ITPR1: variants seen among roughly 807,000 people sequenced by gnomAD.
The protein encoded by ITPR1 is inositol 1,4,5-trisphosphate receptor type 1.
In ITPR1, 96 loss-of-function variants were observed where a neutral mutation model predicts 318.4. The observed-to-expected ratio is 0.30, with a 90% CI of 0.26 to 0.36. The LOEUF (loss-of-function observed/expected upper bound fraction) is 0.36. Among genes scored for constraint, ITPR1 ranks in the 10% least tolerant of loss-of-function variants. The pLI is 1.00. For missense variants in ITPR1, 2,440 were observed against 3,460.2 expected (o/e 0.71, Z 7.40); for synonymous variants, 1,312 against 1,289.9 (o/e 1.02, Z -0.37).
At position 4,663,518 on chromosome 3, in the gene ITPR1, C is replaced by T. The variant is rs988424488; in HGVS notation, c.1554+312C>T. Among the ~76,000 whole-genome samples, 16 of 152,298 alleles carry T rather than the reference C, an allele frequency of 1.1e-4. No individual in the cohort carries two copies. In the South Asian group the frequency reaches 3.3e-3, roughly 32 times the overall value. On this transcript the variant is annotated intron_variant, in intron 16 of 61. Transcript: ENST00000649015. ...TATTTTCTAGAGCAGTTTTTAGGTT[C>T]TCAGCAAGATTGTGCAAAAAGTCCA...
intron 5 of ITPR1, among the ~76,000 whole-genome samples, chr3:4,629,451 G>A (rs2092945442): frequency 6.6e-6 from 1 of 152,084 alleles, no homozygotes; most frequent in Non-Finnish European, 1.5e-5. Flanking sequence ...GCACTGATCA[G>A]GGTCTGCAAT....
intron 61 of ITPR1, among the ~76,000 whole-genome samples, chr3:4,843,931 T>C (rs2051562242): frequency 6.6e-6 from 1 of 152,156 alleles, no homozygotes; most frequent in African/African-American, 2.4e-5. Flanking sequence ...GGAGAGCTGA[T>C]GTAACAAACA....
chr3:4,611,449 AC>A (rs2092113500), intron 4 of ITPR1, among the ~76,000 whole-genome samples: 2 of 151,830 alleles, frequency 1.3e-5, no homozygotes, highest in Admixed American at 1.3e-4. Flanking sequence ...AATCCTAGCT[AC>A]TTGGGAGGCT....
chr3:4,681,291 C>G, intron 25 of ITPR1, 73 bp from the exon 26 acceptor site: 1 of 1,052,332 alleles, frequency 9.5e-7, no homozygotes, highest in Non-Finnish European at 1.5e-6. Flanking sequence ...CCCTGCAAAA[C>G]TTATGGATGA....
chr3:4,516,348 C>A, intron 2 of ITPR1, 128 bp from the exon 3 acceptor site: 1 of 538,574 alleles, frequency 1.9e-6, no homozygotes, highest in Non-Finnish European at 3.2e-6. Context: ...GCCTGTCAAA[C>A]TGTTATTTAA....
intron 46 of ITPR1, among the ~76,000 whole-genome samples, chr3:4,772,367 T>C (rs1408128866): frequency 6.6e-6 from 1 of 152,236 alleles, no homozygotes; most frequent in Non-Finnish European, 1.5e-5. Context: ...CTTGTCATAT[T>C]TATAACCTTA....
At chr3:4,642,058 C>T (rs2093351232) in intron 6 of ITPR1, 35 bp from the exon 7 acceptor site, 1 of 1,509,468 alleles carries the variant, frequency 6.6e-7, no homozygotes, top group Non-Finnish European at 8.9e-7. Flanking sequence ...TTCAGATTTG[C>T]TGACACTCAC....
At chr3:4,536,505 G>T (rs1431057389) in intron 4 of ITPR1, among the ~76,000 whole-genome samples, 1 of 152,102 alleles carries the variant, frequency 6.6e-6, no homozygotes, top group Non-Finnish European at 1.5e-5. Context: ...CTATTTACAA[G>T]GTCACCTACC....
intron 4 of ITPR1, among the ~76,000 whole-genome samples, chr3:4,567,400 T>C (rs2087419653): frequency 6.6e-6 from 1 of 152,186 alleles, no homozygotes; most frequent in Non-Finnish European, 1.5e-5. Flanking sequence ...GAAGACCAAG[T>C]CCTTTTTTCT....
At chr3:4,756,340 T>A (rs142069560) in intron 44 of ITPR1, among the ~76,000 whole-genome samples, 2 of 152,328 alleles carry the variant, frequency 1.3e-5, no homozygotes, top group African/African-American at 4.8e-5. Flanking sequence ...TTTTAACTTT[T>A]ACTTTAGGTT....
intron 4 of ITPR1, among the ~76,000 whole-genome samples, chr3:4,561,337 G>A (rs1270427966): frequency 1.3e-5 from 2 of 152,130 alleles, no homozygotes; most frequent in Non-Finnish European, 2.9e-5. Context: ...AAAAATATAC[G>A]ACCAATTCCA....
intron 47 of ITPR1, 39 bp from the exon 48 acceptor site, chr3:4,777,225 C>G (rs2125389775): frequency 8.0e-7 from 1 of 1,253,310 alleles, no homozygotes; most frequent in Non-Finnish European, 1.1e-6. Flanking sequence ...TGATTTATGA[C>G]CAGCGTTTGT....
chr3:4,544,856 G>A (rs760317273), intron 4 of ITPR1, among the ~76,000 whole-genome samples: 170 of 152,092 alleles, frequency 1.1e-3, no homozygotes, highest in Non-Finnish European at 2.1e-3. Flanking sequence ...TGCGTGTGGT[G>A]GTGCACTCAC....
intron 4 of ITPR1, among the ~76,000 whole-genome samples, chr3:4,545,691 CTTTTTTTT>C (rs71623167): frequency 1.9e-5 from 2 of 103,404 alleles, no homozygotes; most frequent in Non-Finnish European, 3.9e-5. Context: ...AGTATGCAAA[CTTTTTTTT>C]TTTTTTTTTT....
intron 3 of ITPR1, among the ~76,000 whole-genome samples, chr3:4,519,169 C>T (rs2082372990): frequency 6.6e-6 from 1 of 152,188 alleles, no homozygotes; most frequent in South Asian, 2.1e-4. Flanking sequence ...CATTTGTCAT[C>T]TGAGCTTGAC....
intron 4 of ITPR1, among the ~76,000 whole-genome samples, chr3:4,536,468 G>A (rs910767463): frequency 1.3e-5 from 2 of 152,144 alleles, no homozygotes; most frequent in Non-Finnish European, 2.9e-5. Context: ...CAGCCTCAAA[G>A]GTCATTGGAT....
chr3:4,753,534 G>A (rs950546204), intron 44 of ITPR1, among the ~76,000 whole-genome samples: 1 of 152,130 alleles, frequency 6.6e-6, no homozygotes, highest in Non-Finnish European at 1.5e-5. Flanking sequence ...GGGATGCAGG[G>A]TGGGGAGACA....
rs576268102 is a variant in ITPR1, at chr3:4,519,093, C to T, written c.93-1931C>T. On this transcript the variant is annotated intron_variant, in intron 3 of 61. Transcript: ENST00000649015. ...ATTTTACAGATGAAAAAACTGAGAC[C>T]GGTAGGGGTAAAATGCCACAGTCAT... 5.6e-4 allele frequency among the ~76,000 whole-genome samples: 86 copies of T among 152,238 alleles called. 1 individual carries two copies. The highest frequency in any genetic ancestry group is 2.9e-3 in the Admixed American group (45 of 15,292).
chr3:4,588,417 C>G (rs1038287282), intron 4 of ITPR1, among the ~76,000 whole-genome samples: 4 of 152,078 alleles, frequency 2.6e-5, no homozygotes, highest in East Asian at 1.9e-4. Context: ...TTCAAAGCAG[C>G]TGTGAAGTCA....
Sources: allele counts gnomAD v4.1 joint callset (sites outside exome capture counted in the v4.1 genomes callset), GRCh38; gene constraint gnomAD v4.1.1; transcripts MANE v1.5; gene names NCBI Gene and HGNC (gene_info 2026-07-23, HGNC 2026-07-21).